The following EPB41L5 variants were observed in gnomAD, a reference collection of about 807,000 sequenced individuals.
EPB41L5 encodes erythrocyte membrane protein band 4.1 like 5, also known as band 4.1-like protein 5.
In EPB41L5, 55 loss-of-function variants were observed where a neutral mutation model predicts 106.6. The ratio of observed to expected loss-of-function variants is 0.52; its 90% confidence interval spans 0.42 to 0.65. The LOEUF (loss-of-function observed/expected upper bound fraction) is 0.65. EPB41L5 is among the 30% of genes least tolerant of loss of function. The probability of loss-of-function intolerance (pLI) is 0.00; values close to 1 mark genes in which losing one functional copy is unlikely to be tolerated. For synonymous variants in EPB41L5, 297 were observed against 306.7 expected, an observed-to-expected ratio of 0.97 and a Z score of 0.33; for missense variants, 871 against 882.1, an observed-to-expected ratio of 0.99 and a Z score of 0.16.
chr2:120,058,946 T>G (rs1199514007), intron 3 of EPB41L5, among the ~76,000 whole-genome samples: 4 of 152,176 alleles, frequency 2.6e-5, no homozygotes, highest in Admixed American at 6.5e-5. Context: ...TAGATATAGG[T>G]AAGATTATTC....
At chr2:120,147,381 G>T (rs761765781) in intron 20 of EPB41L5, among the ~76,000 whole-genome samples, 4 of 151,962 alleles carry the variant, frequency 2.6e-5, no homozygotes, top group Admixed American at 6.6e-5. Context: ...GGTGGCTCAC[G>T]CCTGTAGTCC....
At chr2:120,085,094 G>A (rs1682962696) in intron 10 of EPB41L5, among the ~76,000 whole-genome samples, 1 of 152,164 alleles carries the variant, frequency 6.6e-6, no homozygotes, top group Non-Finnish European at 1.5e-5. Flanking sequence ...GCTCAGAGAA[G>A]TTTGATCATC....
chr2:120,157,717 C>T (rs1361520159), intron 20 of EPB41L5, among the ~76,000 whole-genome samples: 1 of 147,772 alleles, frequency 6.8e-6, no homozygotes, highest in East Asian at 2.0e-4. Flanking sequence ...TGCAGTGAGC[C>T]GAGATTGCAG....
chr2:120,122,356 G>A (rs1006160695), intron 16 of EPB41L5, among the ~76,000 whole-genome samples: 11 of 152,156 alleles, frequency 7.2e-5, no homozygotes, highest in Admixed American at 1.3e-4. Flanking sequence ...TTTTGTATAA[G>A]GTGTAAGGAA....
intron 1 of EPB41L5, among the ~76,000 whole-genome samples, chr2:120,014,732 A>G (rs1161974673): frequency 1.3e-5 from 2 of 152,126 alleles, no homozygotes; most frequent in Non-Finnish European, 2.9e-5. Flanking sequence ...CCAGAATTAA[A>G]AAGACTCTCC....
Position 120,127,728 on chromosome 2 carries a change from T to C in EPB41L5, c.1378T>C (p.Leu460=), listed in dbSNP as rs150716116. ...NIDLLNSPDL[L]EATIGDVIGA... ...TGATTTGCTGAATAGCCCAGACTTA[T>C]TGGAAGCAACGATTGGTGATGTAAT... The change falls in exon 17 of 25, where the codon TTG becomes CTG. Residue 460 remains leucine (L), a synonymous_variant. Transcript: ENST00000263713. The C allele has an allele frequency of 5.8e-5, 93 of 1,613,618 alleles. No individual in the cohort carries two copies. The African/African-American group carries it at 1.1e-3, about 19-fold the overall frequency.
chr2:120,021,606 A>G (rs1207926601), intron 2 of EPB41L5, among the ~76,000 whole-genome samples: 1 of 152,130 alleles, frequency 6.6e-6, no homozygotes, highest in Non-Finnish European at 1.5e-5. Context: ...GCACCACTGC[A>G]CTCCAGCCCG....
chr2:120,062,122 A>G lies in EPB41L5; in HGVS notation c.286-11056A>G, dbSNP rs559762922. On this transcript the variant is annotated intron_variant, in intron 3 of 24. Coordinates refer to ENST00000263713, the MANE Select transcript of EPB41L5 (RefSeq NM_020909.4). Reference sequence around the variant, plus strand: ...AGTAGAAGTACCAGCAAATGCAGTTATGGAAGAGAAAATTATAAAGATTAG... The same window carrying G: ...AGTAGAAGTACCAGCAAATGCAGTTGTGGAAGAGAAAATTATAAAGATTAG... 1.3e-4 allele frequency among the ~76,000 whole-genome samples: 20 copies of G among 152,342 alleles called. No individual in the cohort carries two copies. The South Asian group carries it at 3.9e-3, about 30-fold the overall frequency.
Position 120,091,536 on chromosome 2 carries a change from TCTGTTATG to T in EPB41L5, c.1044-17_1044-10del. Reference sequence around the variant, plus strand: ...CTGTAGACCTAAAATTTCCCTTACTTCTGTTATGCCTCATTTAGTGGGAAAACAGAGTA... The same window carrying T: ...CTGTAGACCTAAAATTTCCCTTACTTCCTCATTTAGTGGGAAAACAGAGTA... On this transcript the variant is annotated splice_polypyrimidine_tract_variant and intron_variant, in intron 12 of 24. Coordinates refer to ENST00000263713, the MANE Select transcript of EPB41L5 (RefSeq NM_020909.4). The T allele has an allele frequency of 6.3e-7, 1 of 1,589,792 alleles. No homozygotes were observed. Among genetic ancestry groups the T allele is most frequent in the Non-Finnish European group, 8.6e-7 (1 of 1,159,316 alleles).
rs182417776 is a variant in EPB41L5 at position 120,166,600 on chromosome 2, G to A, written c.1963-866G>A. 2.0e-5 allele frequency among the ~76,000 whole-genome samples: 3 copies of A among 152,284 alleles called. No homozygotes were observed. The East Asian group carries it at 5.8e-4, about 29-fold the overall frequency. The stretch of plus-strand genomic sequence containing the variant: ...GTACAGGCGCATGCCACCATGCCCA[G>A]CTAATTTTTGTATTTTTAGTAGAGG... On this transcript the variant is annotated intron_variant, in intron 22 of 24. Coordinates refer to ENST00000263713, the MANE Select transcript of EPB41L5 (RefSeq NM_020909.4).
intron 1 of EPB41L5, 131 bp downstream of exon 1, chr2:120,013,341 C>T (rs1366648089): frequency 1.3e-5 from 2 of 152,154 alleles, no homozygotes; most frequent in Non-Finnish European, 2.9e-5. Context: ...CACCCAGACC[C>T]TAGGGCGGCC....
intron 16 of EPB41L5, chr2:120,106,283 A>AT (rs1684449126): frequency 1.0e-6 from 1 of 985,248 alleles, no homozygotes; most frequent in African/African-American, 1.7e-5. Context: ...CTAAGGCTGG[A>AT]TGGTAGTAAA....
rs1411520334 is a variant in EPB41L5, at chr2:120,042,748, T to C, written c.285+638T>C. Among the ~76,000 whole-genome samples, 9 of 152,150 alleles carry C rather than the reference T, an allele frequency of 5.9e-5. No homozygotes were observed. In the East Asian group the frequency reaches 1.5e-3, roughly 26 times the overall value. ...CAAACTGAATGCCCAAAGTATTAAA[T>C]AATAAATTGGCAATATTTACTCTCA... On this transcript the variant is annotated intron_variant, in intron 3 of 24. Coordinates refer to ENST00000263713, the MANE Select transcript of EPB41L5 (RefSeq NM_020909.4).
intron 1 of EPB41L5, among the ~76,000 whole-genome samples, chr2:120,014,913 T>G (rs891646504): frequency 1.3e-5 from 2 of 150,848 alleles, no homozygotes; most frequent in Non-Finnish European, 2.9e-5. Context: ...AGAGCGCAAT[T>G]GGAAGAGTGC....
chr2:120,156,650 G>A (rs1393274200), intron 20 of EPB41L5, among the ~76,000 whole-genome samples: 2 of 152,106 alleles, frequency 1.3e-5, no homozygotes, highest in South Asian at 2.1e-4. Context: ...CCCCCATCAC[G>A]AGCAACCACC....
At chr2:120,032,858 TAAG>T (rs1678805598) in intron 2 of EPB41L5, among the ~76,000 whole-genome samples, 1 of 152,232 alleles carries the variant, frequency 6.6e-6, no homozygotes, top group African/African-American at 2.4e-5. Flanking sequence ...TATATTTAGT[TAAG>T]AACCTTGTGA....
At chr2:120,129,115 C>G (rs2105465891) in intron 17 of EPB41L5, among the ~76,000 whole-genome samples, 1 of 152,180 alleles carries the variant, frequency 6.6e-6, no homozygotes, top group Middle Eastern at 3.4e-3. Flanking sequence ...AGTAGAAGCC[C>G]AAACCATGGT....
At chr2:120,161,391 AAT>A (rs1345948129) in intron 21 of EPB41L5, among the ~76,000 whole-genome samples, 2 of 151,658 alleles carry the variant, frequency 1.3e-5, no homozygotes, top group Non-Finnish European at 2.9e-5. Flanking sequence ...AAAAAAAAAA[AAT>A]GTGATAAAAG....
intron 22 of EPB41L5, among the ~76,000 whole-genome samples, chr2:120,165,651 C>T (rs539131375): frequency 5.9e-5 from 9 of 152,228 alleles, no homozygotes; most frequent in African/African-American, 1.9e-4. Flanking sequence ...CAGTTCCTTC[C>T]CTCCAGGGAT....
Sources: gnomAD v4.1 joint callset for allele counts (sites outside exome capture counted in the v4.1 genomes callset) on GRCh38, gnomAD v4.1.1 for gene constraint, MANE v1.5 for transcripts, NCBI Gene and HGNC (gene_info 2026-07-23, HGNC 2026-07-21) for gene names.